Variants in ST8SIA2 observed in about 807,000 individuals in gnomAD.
The protein encoded by ST8SIA2 is ST8 alpha-N-acetyl-neuraminide alpha-2,8-sialyltransferase 2, also known as alpha-2,8-sialyltransferase 8B.
Under a neutral mutation model 37.6 loss-of-function variants are expected in ST8SIA2, and 22 were observed. The observed-to-expected ratio is 0.58, with a 90% CI of 0.42 to 0.83. The LOEUF is 0.83. Ranked by LOEUF, ST8SIA2 falls within the 40% of genes least tolerant of loss-of-function variation. The probability of loss-of-function intolerance (pLI) is 0.00; values close to 1 mark genes in which losing one functional copy is unlikely to be tolerated. For synonymous variants in ST8SIA2, 205 were observed against 201.2 expected (o/e 1.02, Z -0.16); for missense variants, 382 against 484.7 (o/e 0.79, Z 1.99).
chr15:92,460,164 T>C (rs1003659864), intron 5 of ST8SIA2, among the ~76,000 whole-genome samples: 2 of 152,178 alleles, frequency 1.3e-5, no homozygotes, highest in African/African-American at 4.8e-5. Context: ...TTCCTGACAC[T>C]TCTTCTTTTT....
intron 1 of ST8SIA2, among the ~76,000 whole-genome samples, chr15:92,406,431 G>A (rs2049508433): frequency 6.6e-6 from 1 of 152,204 alleles, no homozygotes; most frequent in African/African-American, 2.4e-5. Flanking sequence ...CAGCAACATG[G>A]ACATCATCTG....
In ST8SIA2 at chr15:92,418,890, G is replaced by A. The variant is rs548747234; in HGVS notation, c.99-11159G>A. On this transcript the variant is annotated intron_variant, in intron 1 of 5. Coordinates refer to ENST00000268164, the MANE Select transcript of ST8SIA2 (RefSeq NM_006011.4). ...TCGTAAAGTGTTGTGAGGGGATGAC[G>A]TAAAATAAAGGATTTTCTGGGCCAG... 4.8e-3 allele frequency among the ~76,000 whole-genome samples: 732 copies of A among 152,250 alleles called. 4 individuals are homozygous for A. Among genetic ancestry groups the A allele is most frequent in the Middle Eastern group, 0.027 (8 of 294 alleles).
At chr15:92,404,895 T>C (rs2049496754) in intron 1 of ST8SIA2, among the ~76,000 whole-genome samples, 1 of 150,988 alleles carries the variant, frequency 6.6e-6, no homozygotes, top group Non-Finnish European at 1.5e-5. Context: ...CCCATGTTCA[T>C]AGTAACCTTA....
At chr15:92,423,502 A>G (rs574201513) in intron 1 of ST8SIA2, among the ~76,000 whole-genome samples, 1 of 152,262 alleles carries the variant, frequency 6.6e-6, no homozygotes, top group African/African-American at 2.4e-5. Flanking sequence ...CTTAGACAGA[A>G]CAAATTTATT....
At chr15:92,459,036 A>G (rs1369205442) in intron 5 of ST8SIA2, among the ~76,000 whole-genome samples, 2 of 152,206 alleles carry the variant, frequency 1.3e-5, no homozygotes, top group East Asian at 3.9e-4. Flanking sequence ...GCGAGCACCC[A>G]GCACGTGTGG....
At chr15:92,437,751 G>A (rs1490539284) in intron 3 of ST8SIA2, among the ~76,000 whole-genome samples, 2 of 152,166 alleles carry the variant, frequency 1.3e-5, no homozygotes, top group Admixed American at 6.5e-5. Flanking sequence ...AAAATGGGCC[G>A]GTAAGGAGTG....
intron 1 of ST8SIA2, among the ~76,000 whole-genome samples, chr15:92,404,944 G>C (rs928874428): frequency 6.6e-6 from 1 of 151,950 alleles, no homozygotes; most frequent in Admixed American, 6.6e-5. Flanking sequence ...CCAGGTATCC[G>C]TCAATGAGTG....
intron 5 of ST8SIA2, among the ~76,000 whole-genome samples, chr15:92,463,350 G>T (rs2141854341): frequency 6.6e-6 from 1 of 152,290 alleles, no homozygotes; most frequent in South Asian, 2.1e-4. Context: ...GAAAGAGAGT[G>T]GGCAGAACCC....
chr15:92,455,445 C>T (rs759501400), intron 5 of ST8SIA2, among the ~76,000 whole-genome samples: 23 of 152,086 alleles, frequency 1.5e-4, no homozygotes, highest in African/African-American at 4.1e-4. Flanking sequence ...AAGCCAACTC[C>T]GCTCCGCACC....
intron 5 of ST8SIA2, 80 bp downstream of exon 5, chr15:92,445,009 G>A (rs1596245907): frequency 6.3e-7 from 1 of 1,583,770 alleles, no homozygotes; most frequent in Non-Finnish European, 8.6e-7. Flanking sequence ...TTTCCCAGGT[G>A]CATTTCCATC....
rs138946223 is a variant in ST8SIA2, at chr15:92,457,378, A to G, written c.843-6722A>G. 2.9e-4 allele frequency among the ~76,000 whole-genome samples: 44 copies of G among 152,304 alleles called. No individual in the cohort carries two copies. The East Asian group carries it at 6.2e-3, about 21-fold the overall frequency. On this transcript the variant is annotated intron_variant, in intron 5 of 5. Transcript: ENST00000268164. ...ATGTGCTTTGGAGATGATTTTGGCA[A>G]TCCTCATTGATTGCTGTCCGTGCTC...
chr15:92,417,587 G>A (rs2049596957), intron 1 of ST8SIA2: 1 of 152,186 alleles, frequency 6.6e-6, no homozygotes, highest in Non-Finnish European at 1.5e-5. Context: ...TCTCTTTAAA[G>A]AGCATGGATT....
intron 1 of ST8SIA2, among the ~76,000 whole-genome samples, chr15:92,407,391 C>A (rs1488402820): frequency 2.0e-5 from 3 of 152,200 alleles, no homozygotes; most frequent in Non-Finnish European, 4.4e-5. Context: ...TACAGTGTGT[C>A]CAGAAACAGG....
At chr15:92,442,487 C>A (rs2049810311) in intron 4 of ST8SIA2, among the ~76,000 whole-genome samples, 1 of 152,176 alleles carries the variant, frequency 6.6e-6, no homozygotes, top group South Asian at 2.1e-4. Flanking sequence ...TCTTTCACAG[C>A]CCCTCCTGCC....
intron 1 of ST8SIA2, among the ~76,000 whole-genome samples, chr15:92,407,059 A>G (rs1276490208): frequency 6.6e-6 from 1 of 152,062 alleles, no homozygotes; most frequent in Non-Finnish European, 1.5e-5. Context: ...GATTCTTATT[A>G]CAGCCACTGG....
intron 3 of ST8SIA2, among the ~76,000 whole-genome samples, chr15:92,437,181 T>A (rs2049765120): frequency 6.6e-6 from 1 of 152,220 alleles, no homozygotes; most frequent in Admixed American, 6.5e-5. Flanking sequence ...CATCTTTGTA[T>A]CTGTTCTAGA....
chr15:92,462,536 A>C (rs1474706387), intron 5 of ST8SIA2, among the ~76,000 whole-genome samples: 1 of 152,234 alleles, frequency 6.6e-6, no homozygotes, highest in Non-Finnish European at 1.5e-5. Context: ...CATATTAAAC[A>C]GTTTCATCTT....
chr15:92,438,485 G>A lies in ST8SIA2; in HGVS notation c.423G>A (p.Glu141=). 6.2e-7 allele frequency: 1 copy of A among 1,614,192 alleles called. No homozygotes were observed. Among genetic ancestry groups the A allele is most frequent in the Non-Finnish European group, 8.5e-7 (1 of 1,180,038 alleles). ...STMNVSQNLY[E]LLPRTSPLKN... Reference sequence around the variant, plus strand: ...TGAATGTGTCCCAGAACCTCTACGAGCTCCTCCCCAGGACTTCGCCACTGA... The same window carrying A: ...TGAATGTGTCCCAGAACCTCTACGAACTCCTCCCCAGGACTTCGCCACTGA... Residue 141 remains glutamate (E), a synonymous_variant, in exon 4 of 6, where the codon GAG becomes GAA. Transcript: ENST00000268164.
chr15:92,417,767 G>A (rs3848152), intron 1 of ST8SIA2: 81,260 of 152,094 alleles, frequency 0.53, 22,299 homozygotes, highest in East Asian at 0.7. Context: ...TGGACGCTGA[G>A]TAACTAAGCA....
Sources: gnomAD v4.1 joint callset for allele counts (sites outside exome capture counted in the v4.1 genomes callset) on GRCh38, gnomAD v4.1.1 for gene constraint, MANE v1.5 for transcripts, NCBI Gene and HGNC (gene_info 2026-07-23, HGNC 2026-07-21) for gene names.